The following MYO1E variants were observed in gnomAD, a reference collection of about 807,000 sequenced individuals.
The protein encoded by MYO1E is myosin IE, also known as unconventional myosin-Ie.
A neutral mutation model predicts 151.1 loss-of-function variants in MYO1E; 68 were observed. That is an observed-to-expected ratio of 0.45 (90% CI 0.37 to 0.55). The LOEUF (loss-of-function observed/expected upper bound fraction) is 0.55, where lower values mean the gene tolerates loss of function less well. Among genes scored for constraint, MYO1E ranks in the 20% least tolerant of loss-of-function variants. The pLI, the probability that MYO1E is intolerant of heterozygous loss-of-function variation, is 0.00. For synonymous variants in MYO1E, 601 were observed against 501.7 expected (o/e 1.20, Z -2.64); for missense variants, 1,363 against 1,389.3 (o/e 0.98, Z 0.30).
At chr15:59,177,778 G>A (rs901439937) in intron 19 of MYO1E, among the ~76,000 whole-genome samples, 1 of 152,206 alleles carries the variant, frequency 6.6e-6, no homozygotes, top group African/African-American at 2.4e-5. Flanking sequence ...TGTGTATTAT[G>A]AATGCCTTAC....
chr15:59,336,567 T>C (rs530833648), intron 1 of MYO1E, among the ~76,000 whole-genome samples: 1 of 152,196 alleles, frequency 6.6e-6, no homozygotes, highest in Admixed American at 6.5e-5. Flanking sequence ...CCTCCAGTAA[T>C]TCACATAGTA....
chr15:59,178,843 CA>C (rs1348988670), intron 18 of MYO1E, among the ~76,000 whole-genome samples: 3 of 152,196 alleles, frequency 2.0e-5, no homozygotes, highest in African/African-American at 7.2e-5. Flanking sequence ...GGAAGGCCAC[CA>C]GGGGTGGTCT....
intron 4 of MYO1E, among the ~76,000 whole-genome samples, chr15:59,237,213 T>A (rs1390392297): frequency 3.3e-5 from 5 of 152,230 alleles, no homozygotes; most frequent in Non-Finnish European, 7.3e-5. Flanking sequence ...CATTTTATAA[T>A]GCATATGCTA....
chr15:59,358,124 T>A (rs758788992), intron 1 of MYO1E, among the ~76,000 whole-genome samples: 1 of 152,166 alleles, frequency 6.6e-6, no homozygotes, highest in Admixed American at 6.5e-5. Context: ...CTTGTCTCCA[T>A]AGAGCAGACA....
chr15:59,169,045 T>TTA (rs1386522929), intron 22 of MYO1E, among the ~76,000 whole-genome samples: 1 of 152,220 alleles, frequency 6.6e-6, no homozygotes, highest in Non-Finnish European at 1.5e-5. Context: ...TACCAAATAT[T>TTA]TAGTCATGCT....
chr15:59,180,936 G>A (rs188069961), intron 18 of MYO1E, among the ~76,000 whole-genome samples: 2 of 152,258 alleles, frequency 1.3e-5, no homozygotes, highest in East Asian at 3.9e-4. Flanking sequence ...CAAGGCCTTT[G>A]TGCCAGCTCC....
chr15:59,173,984 G>C, intron 20 of MYO1E, 69 bp from the exon 21 acceptor site: 1 of 1,555,930 alleles, frequency 6.4e-7, no homozygotes, highest in Non-Finnish European at 8.9e-7. Context: ...AAATACTGTG[G>C]AAATATACAA....
In MYO1E at chr15:59,350,854, T is replaced by C. The variant is rs28447424; in HGVS notation, c.3+21644A>G. On this transcript the variant is annotated intron_variant, in intron 1 of 27. Coordinates refer to ENST00000288235, the MANE Select transcript of MYO1E (RefSeq NM_004998.4). This position sits in a 1 kb window ranked among gnomAD's most constrained non-coding sequence, Gnocchi z 5.0. ...AAATCAGAGGCTTCCAGGAAATGAG[T>C]CTTTATTTGTTGTTGTTGTTGTTTG... Among the ~76,000 whole-genome samples the C allele has an allele frequency of 0.026, 3,818 of 145,988 alleles. 154 individuals are homozygous for C. The highest frequency in any genetic ancestry group is 0.09 in the African/African-American group (3,432 of 38,050).
At chr15:59,169,930 T>A (rs1566969462) in intron 22 of MYO1E, among the ~76,000 whole-genome samples, 1 of 152,036 alleles carries the variant, frequency 6.6e-6, no homozygotes, top group Non-Finnish European at 1.5e-5. Context: ...GAGGCTGAGA[T>A]GAGTGGATCA....
intron 1 of MYO1E, among the ~76,000 whole-genome samples, chr15:59,349,981 G>C (rs1191661620): frequency 1.3e-5 from 2 of 152,218 alleles, no homozygotes; most frequent in Admixed American, 6.5e-5. Flanking sequence ...CGATGTGGTA[G>C]TCAGAAAGGA....
intron 1 of MYO1E, among the ~76,000 whole-genome samples, chr15:59,351,871 C>A (rs1264899701): frequency 6.6e-6 from 1 of 152,178 alleles, no homozygotes. Flanking sequence ...AGTTCTCCAG[C>A]GCCAGGACTG....
chr15:59,292,518 G>C (rs1424871860), intron 1 of MYO1E, among the ~76,000 whole-genome samples: 3 of 152,222 alleles, frequency 2.0e-5, no homozygotes, highest in African/African-American at 7.2e-5. Context: ...GATGGCAATG[G>C]GAGGCCTAAA....
chr15:59,358,443 A>G (rs1219143630), intron 1 of MYO1E, among the ~76,000 whole-genome samples: 9 of 152,174 alleles, frequency 5.9e-5, no homozygotes, highest in Non-Finnish European at 1.3e-4. Context: ...GTGGGGAAAG[A>G]AAAGGACACT....
intron 21 of MYO1E, among the ~76,000 whole-genome samples, chr15:59,172,314 G>A (rs377301381): frequency 2.0e-5 from 3 of 152,116 alleles, no homozygotes; most frequent in African/African-American, 2.4e-5. Flanking sequence ...CCGAGATTGC[G>A]CCATTGCACT....
chr15:59,161,603 C>T (rs1753958134), intron 23 of MYO1E, among the ~76,000 whole-genome samples: 1 of 152,192 alleles, frequency 6.6e-6, no homozygotes, highest in Admixed American at 6.5e-5. Flanking sequence ...CAGCTGTTGT[C>T]CCTGATTCTG....
intron 8 of MYO1E, among the ~76,000 whole-genome samples, 188 bp downstream of exon 8, chr15:59,224,501 G>C (rs1326055989): frequency 6.6e-6 from 1 of 152,128 alleles, no homozygotes. Flanking sequence ...ATCATTAAGT[G>C]GTCCTCAGGC....
At chr15:59,312,039 AG>A in intron 1 of MYO1E, among the ~76,000 whole-genome samples, 1 of 152,292 alleles carries the variant, frequency 6.6e-6, no homozygotes, top group Middle Eastern at 3.4e-3. Flanking sequence ...TGTGGTATTC[AG>A]CTATAGCAAA....
At chr15:59,177,946 G>A (rs1472326684) in intron 19 of MYO1E, among the ~76,000 whole-genome samples, 5 of 152,212 alleles carry the variant, frequency 3.3e-5, no homozygotes, top group East Asian at 1.9e-4. Flanking sequence ...GAGACTATGC[G>A]TAACTGACTT....
chr15:59,160,336 CGTGTGT>C (rs55633634), intron 24 of MYO1E, among the ~76,000 whole-genome samples: 3,440 of 120,084 alleles, frequency 0.029, 72 homozygotes, highest in African/African-American at 0.057. Context: ...TGAGGTAGTG[CGTGTGT>C]GTGTGTGTGT....
Sources: gnomAD v4.1 joint callset for allele counts (sites outside exome capture counted in the v4.1 genomes callset) on GRCh38, gnomAD v4.1.1 for gene constraint, Gnocchi (gnomAD v3.1) non-coding constraint, MANE v1.5 for transcripts, NCBI Gene and HGNC (gene_info 2026-07-23, HGNC 2026-07-21) for gene names.